Variants in TIMELESS observed in about 807,000 individuals in gnomAD.
TIMELESS encodes protein timeless homolog.
Under a neutral mutation model 164.3 loss-of-function variants are expected in TIMELESS, and 124 were observed. The observed-to-expected ratio is 0.75, with a 90% CI of 0.65 to 0.88. The LOEUF (loss-of-function observed/expected upper bound fraction) is 0.88, where lower values mean the gene tolerates loss of function less well. Ranked by LOEUF, TIMELESS falls within the 40% of genes least tolerant of loss-of-function variation. The pLI, the probability that TIMELESS is intolerant of heterozygous loss-of-function variation, is 0.00. For missense variants in TIMELESS, 1,422 were observed against 1,491.4 expected, an observed-to-expected ratio of 0.95 and a Z score of 0.77; for synonymous variants, 564 against 563.4, an observed-to-expected ratio of 1.00 and a Z score of -0.02.
chr12:56,432,636 G>T, intron 6 of TIMELESS, 112 bp from the exon 7 acceptor site: 1 of 1,453,284 alleles, frequency 6.9e-7, no homozygotes, highest in Non-Finnish European at 9.3e-7. Flanking sequence ...CTTGTCAGAG[G>T]ACAGAATAGC....
intron 8 of TIMELESS, 97 bp from the exon 9 acceptor site, chr12:56,431,065 A>G: frequency 1.1e-6 from 1 of 884,134 alleles, no homozygotes; most frequent in Non-Finnish European, 1.7e-6. Context: ...TAAAACTACA[A>G]AATGTTGGTC....
At chr12:56,448,244 A>C (rs1868411700) in intron 1 of TIMELESS, among the ~76,000 whole-genome samples, 1 of 151,252 alleles carries the variant, frequency 6.6e-6, no homozygotes, top group Admixed American at 6.6e-5. Context: ...CATCTCTACT[A>C]AAAATACAAA....
At position 56,444,553 on chromosome 12, in the gene TIMELESS, C is replaced by T. The variant is rs114323112; in HGVS notation, c.-62+4757G>A. Among the ~76,000 whole-genome samples, 386 of 151,976 alleles carry T rather than the reference C, an allele frequency of 2.5e-3. 3 individuals are homozygous for T. The highest frequency in any genetic ancestry group is 8.8e-3 in the African/African-American group (365 of 41,432). The stretch of plus-strand genomic sequence containing the variant: ...TATTATGAGTTGCTCAAGGCTATTC[C>T]ATCTGTTTTTTTCTTTTGAGGCAGT... On this transcript the variant is annotated intron_variant, in intron 1 of 28. Coordinates refer to ENST00000553532, the MANE Select transcript of TIMELESS (RefSeq NM_003920.5).
chr12:56,448,206 G>C lies in TIMELESS; in HGVS notation c.-62+1104C>G, dbSNP rs189078161. 2.2e-3 allele frequency among the ~76,000 whole-genome samples: 331 copies of C among 150,402 alleles called. 2 individuals carry two copies. Among genetic ancestry groups the C allele is most frequent in the African/African-American group, 7.6e-3 (310 of 40,856 alleles). ...GGATCATTTGAGGTCAGGAGTTCGAGACCGGCCTGGCCAACATGGTGAAAC... is the reference window on the plus strand; with the variant it reads ...GGATCATTTGAGGTCAGGAGTTCGACACCGGCCTGGCCAACATGGTGAAAC... On this transcript the variant is annotated intron_variant, in intron 1 of 28. Coordinates refer to ENST00000553532, the MANE Select transcript of TIMELESS (RefSeq NM_003920.5).
chr12:56,447,254 T>C (rs1868371974), intron 1 of TIMELESS, among the ~76,000 whole-genome samples: 1 of 147,588 alleles, frequency 6.8e-6, no homozygotes, highest in African/African-American at 2.5e-5. Context: ...TTCAGAGCCT[T>C]GCTACAGGAT....
intron 22 of TIMELESS, 91 bp from the exon 23 acceptor site, chr12:56,421,584 T>C: frequency 6.5e-7 from 1 of 1,539,194 alleles, no homozygotes. Flanking sequence ...GGTACCTCAA[T>C]TCATCCAAAA....
At chr12:56,434,035 A>T (rs761302500) in intron 2 of TIMELESS, 39 bp downstream of exon 2, 148 of 1,612,794 alleles carry the variant, frequency 9.2e-5, no homozygotes, top group Non-Finnish European at 1.0e-4. Flanking sequence ...TCCTTAATTC[A>T]AGCCAATTTT....
chr12:56,437,539 A>G (rs1186409040), intron 1 of TIMELESS, among the ~76,000 whole-genome samples: 1 of 152,124 alleles, frequency 6.6e-6, no homozygotes, highest in Admixed American at 6.5e-5. Context: ...GAGGCAGGAT[A>G]ATAGTAAAGG....
At chr12:56,422,556 C>T (rs904665796) in intron 19 of TIMELESS, among the ~76,000 whole-genome samples, 2 of 152,126 alleles carry the variant, frequency 1.3e-5, no homozygotes, top group Admixed American at 6.6e-5. Context: ...TGGGAGAGGT[C>T]GCACACAGAC....
rs778042462 is a variant in TIMELESS at position 56,423,479 on chromosome 12, C to A, written c.2091-4G>T. ...AACGACAGTTGAACATGCAAAGCTG[C>A]ACCAAAACAAGGAGGGAGAGGATGT... is the stretch of plus-strand genomic sequence containing the variant. On this transcript the variant is annotated splice_region_variant and splice_polypyrimidine_tract_variant and intron_variant, in intron 17 of 28. Transcript: ENST00000553532. The A allele has an allele frequency of 1.2e-6, 2 of 1,614,012 alleles. No homozygotes were observed. Among genetic ancestry groups the A allele is most frequent in the Non-Finnish European group, 1.7e-6 (2 of 1,179,966 alleles).
intron 13 of TIMELESS, 81 bp from the exon 14 acceptor site, chr12:56,425,233 A>C: frequency 1.4e-6 from 2 of 1,456,916 alleles, no homozygotes; most frequent in Non-Finnish European, 1.8e-6. Context: ...TTACAAAACT[A>C]ATTAACTGGA....
At chr12:56,435,332 C>T (rs1882034837) in intron 1 of TIMELESS, among the ~76,000 whole-genome samples, 1 of 151,838 alleles carries the variant, frequency 6.6e-6, no homozygotes, top group Non-Finnish European at 1.5e-5. Flanking sequence ...TTCCCTATCA[C>T]TATCTCCCAA....
rs1304755799 is a variant in TIMELESS at position 56,445,288 on chromosome 12, G to A, written c.-62+4022C>T. Among the ~76,000 whole-genome samples, 5 of 148,558 alleles carry A rather than the reference G, an allele frequency of 3.4e-5. No homozygotes were observed. The East Asian group carries it at 6.1e-4, about 18-fold the overall frequency. ...TAAAAATACAAAATTAGCTGGGTGTGGTGGTGCATGCCTGTAATCCCAGCT... is the reference window on the plus strand; with the variant it reads ...TAAAAATACAAAATTAGCTGGGTGTAGTGGTGCATGCCTGTAATCCCAGCT... On this transcript the variant is annotated intron_variant, in intron 1 of 28. Coordinates refer to ENST00000553532, the MANE Select transcript of TIMELESS (RefSeq NM_003920.5).
At position 56,434,107 on chromosome 12, in the gene TIMELESS, C is replaced by T. The variant is rs769774948; in HGVS notation, c.64G>A (p.Gly22Arg). The T allele has an allele frequency of 1.2e-6, 2 of 1,614,184 alleles. No homozygotes were observed. The highest frequency in any genetic ancestry group is 1.7e-6 in the Non-Finnish European group (2 of 1,180,026). ...TCTGGTTCCTTATGGTAAGTGTCTC[C>T]CTCCAAGTACCCAAGGGCACTACAT... The part of the protein sequence containing the change: ...ATCSALGYLE[G>R]DTYHKEPDCL... The change falls in exon 2 of 29, where the codon GGA (glycine) becomes AGA (arginine). Residue 22 changes from glycine to arginine, a missense_variant. Transcript: ENST00000553532.
At chr12:56,425,896 A>ATAAT (rs939327557) in intron 13 of TIMELESS, among the ~76,000 whole-genome samples, 5 of 152,010 alleles carry the variant, frequency 3.3e-5, no homozygotes, top group African/African-American at 1.2e-4. Flanking sequence ...AAATAAATAA[A>ATAAT]TAATTAAAAA....
At chr12:56,440,325 G>T (rs1214748729) in intron 1 of TIMELESS, among the ~76,000 whole-genome samples, 2 of 152,014 alleles carry the variant, frequency 1.3e-5, no homozygotes, top group Non-Finnish European at 1.5e-5. Context: ...TTTTAGTAGA[G>T]ATGGGGTTTC....
At chr12:56,423,962 G>T (rs754183768) in intron 15 of TIMELESS, 68 bp from the exon 16 acceptor site, 1 of 1,383,908 alleles carries the variant, frequency 7.2e-7, no homozygotes, top group South Asian at 1.2e-5. Flanking sequence ...ATTCGAAGTA[G>T]AAGAAGGAAT....
intron 13 of TIMELESS, among the ~76,000 whole-genome samples, chr12:56,427,033 T>C (rs75830888): frequency 0.021 from 3,260 of 152,260 alleles, 61 homozygotes; most frequent in Middle Eastern, 0.058. Flanking sequence ...CACAGCTCAC[T>C]GCATCCTCAA....
At chr12:56,420,939 A>C (rs1440373982) in intron 24 of TIMELESS, 24 bp downstream of exon 24, 2 of 1,614,064 alleles carry the variant, frequency 1.2e-6, no homozygotes, top group Middle Eastern at 1.7e-4. Context: ...CACCTGAGAC[A>C]TCTCTCCCAG....
Sources: gnomAD v4.1 joint callset for allele counts (sites outside exome capture counted in the v4.1 genomes callset) on GRCh38, gnomAD v4.1.1 for gene constraint, MANE v1.5 for transcripts, NCBI Gene and HGNC (gene_info 2026-07-23, HGNC 2026-07-21) for gene names.